PRKN: variants seen among roughly 807,000 people sequenced by gnomAD.
PRKN encodes the protein E3 ubiquitin-protein ligase parkin.
A neutral mutation model predicts 59.5 loss-of-function variants in PRKN; 56 were observed. The observed-to-expected ratio is 0.94, with a 90% CI of 0.76 to 1.18. The LOEUF is 1.18. Ranked by LOEUF, PRKN falls within the 50% of genes most tolerant of loss-of-function variation. The pLI is 0.00. For synonymous variants in PRKN, 250 were observed against 222.1 expected, an observed-to-expected ratio of 1.13 and a Z score of -1.12; for missense variants, 657 against 596.4, an observed-to-expected ratio of 1.10 and a Z score of -1.06.
chr6:162,510,918 G>A (rs1434858576), intron 1 of PRKN, among the ~76,000 whole-genome samples: 2 of 151,472 alleles, frequency 1.3e-5, no homozygotes, highest in African/African-American at 4.9e-5. Context: ...GCGAGACTCA[G>A]TCTCAAAAAC....
At position 161,372,779 on chromosome 6, in the gene PRKN, G is replaced by A. The variant is rs531765369; in HGVS notation, c.1168-12574C>T. On this transcript the variant is annotated intron_variant, in intron 10 of 11. Coordinates refer to ENST00000366898, the MANE Select transcript of PRKN (RefSeq NM_004562.3). The surrounding 1 kb of genome is among the most constrained non-coding windows in gnomAD (Gnocchi z 4.2). ...GCAGAGCTTCGGAGAACTACTGCTC[G>A]CAGAAGGTCTACATACACTGTGGTC... Among the ~76,000 whole-genome samples the A allele has an allele frequency of 1.5e-4, 23 of 151,788 alleles. No individual in the cohort carries two copies. In the South Asian group the frequency reaches 3.3e-3, roughly 22 times the overall value.
At position 161,361,278 on chromosome 6, in the gene PRKN, T is replaced by C. The variant is rs1454782081; in HGVS notation, c.1168-1073A>G. On this transcript the variant is annotated intron_variant, in intron 10 of 11. Transcript: ENST00000366898. The surrounding 1 kb of genome is among the most constrained non-coding windows in gnomAD (Gnocchi z 5.2). ...GATGAAGTATTATGAGGAAAATAACTGTACTGCATTTAATAGTTTCTTTAG... is the reference window on the plus strand; with the variant it reads ...GATGAAGTATTATGAGGAAAATAACCGTACTGCATTTAATAGTTTCTTTAG... 6.6e-6 allele frequency among the ~76,000 whole-genome samples: 1 copy of C among 152,254 alleles called. No homozygotes were observed. The highest frequency in any genetic ancestry group is 1.5e-5 in the Non-Finnish European group (1 of 68,048).
rs557221623 is a variant in PRKN at position 161,885,475 on chromosome 6, T to C, written c.734+87827A>G. 6.3e-4 allele frequency among the ~76,000 whole-genome samples: 96 copies of C among 152,076 alleles called. 2 individuals carry two copies. The highest frequency in any genetic ancestry group is 4.4e-3 in the South Asian group (21 of 4,808). On this transcript the variant is annotated intron_variant, in intron 6 of 11. Transcript: ENST00000366898. ...GTCAGGAGATAGAGACCATCCTGGC[T>C]AACACAGTGAAACCCCGTCTCTACT...
chr6:161,917,728 A>T (rs1412701545), intron 6 of PRKN, among the ~76,000 whole-genome samples: 1 of 152,242 alleles, frequency 6.6e-6, no homozygotes, highest in Non-Finnish European at 1.5e-5. Flanking sequence ...CAATATTCAG[A>T]GTCCAAATAC....
rs530233117 is a variant in PRKN, at chr6:162,111,641, T to G, written c.535-57467A>C. ...GCAAGTGGGTCAAAAGATAAAGAAA[T>G]GGTGCATAGAGTAAATCACTGCGGT... On this transcript the variant is annotated intron_variant, in intron 4 of 11. Transcript: ENST00000366898. Among the ~76,000 whole-genome samples, 63 of 151,650 alleles carry G rather than the reference T, an allele frequency of 4.2e-4. 3 individuals carry two copies. The highest frequency in any genetic ancestry group is 1.5e-3 in the African/African-American group (62 of 41,316).
chr6:162,075,696 C>G (rs1026012156), intron 4 of PRKN, among the ~76,000 whole-genome samples: 2 of 151,904 alleles, frequency 1.3e-5, no homozygotes, highest in Admixed American at 1.3e-4. Flanking sequence ...AAGTAAGAAG[C>G]TGGCTAGATA....
At chr6:162,237,311 A>C (rs930591066) in intron 3 of PRKN, among the ~76,000 whole-genome samples, 10 of 152,218 alleles carry the variant, frequency 6.6e-5, no homozygotes, top group Admixed American at 4.6e-4. Flanking sequence ...GACCTAGTAC[A>C]TAAAAAGAGT....
chr6:161,747,274 T>C (rs1788472669), intron 7 of PRKN, among the ~76,000 whole-genome samples: 1 of 152,194 alleles, frequency 6.6e-6, no homozygotes, highest in Admixed American at 6.5e-5. Context: ...TCTTTGGAGA[T>C]TTCTGTGACA....
chr6:162,510,318 T>G (rs1357369818), intron 1 of PRKN, among the ~76,000 whole-genome samples: 1 of 152,238 alleles, frequency 6.6e-6, no homozygotes, highest in Admixed American at 6.5e-5. Flanking sequence ...TTCTGAGGAA[T>G]GAATTCATGC....
chr6:161,910,903 A>C (rs1020642607), intron 6 of PRKN, among the ~76,000 whole-genome samples: 1 of 152,222 alleles, frequency 6.6e-6, no homozygotes, highest in African/African-American at 2.4e-5. Flanking sequence ...TTAGCAATAA[A>C]GTATTTTTAA....
chr6:161,707,347 G>T (rs76948939), intron 7 of PRKN, among the ~76,000 whole-genome samples: 1 of 152,170 alleles, frequency 6.6e-6, no homozygotes, highest in African/African-American at 2.4e-5. Flanking sequence ...ATAATTGTGC[G>T]TTGAGGAAAC....
At chr6:162,063,179 C>T (rs1044471347) in intron 4 of PRKN, among the ~76,000 whole-genome samples, 6 of 152,090 alleles carry the variant, frequency 3.9e-5, no homozygotes, top group Non-Finnish European at 5.9e-5. Context: ...ATGCAAGCCA[C>T]AGACTTGGGA....
At chr6:161,614,316 T>G (rs1782609634) in intron 7 of PRKN, among the ~76,000 whole-genome samples, 1 of 152,180 alleles carries the variant, frequency 6.6e-6, no homozygotes, top group South Asian at 2.1e-4. Context: ...AATAAATATT[T>G]TTAGTGATGG....
Position 161,533,979 on chromosome 6 carries a change from AC to A in PRKN, c.1083+14874del, listed in dbSNP as rs1426624584. On this transcript the variant is annotated intron_variant, in intron 9 of 11. Transcript: ENST00000366898. The surrounding 1 kb of genome is among the most constrained non-coding windows in gnomAD (Gnocchi z 4.1). ...ACAGTGGTCTCTGTGACTTCAGTGA[AC>A]CCCCTTTCCACCTGTCCTCCTCGCC... Among the ~76,000 whole-genome samples, 2 of 151,818 alleles carry A rather than the reference AC, an allele frequency of 1.3e-5. No homozygotes were observed. Among genetic ancestry groups the A allele is most frequent in the Non-Finnish European group, 2.9e-5 (2 of 67,970 alleles).
At chr6:162,142,881 C>A (rs1781848427) in intron 4 of PRKN, among the ~76,000 whole-genome samples, 1 of 152,142 alleles carries the variant, frequency 6.6e-6, no homozygotes, top group Non-Finnish European at 1.5e-5. Flanking sequence ...TACTACTAGT[C>A]TGAGGAAAGC....
rs541619495 is a variant in PRKN at position 161,356,387 on chromosome 6, G to A, written c.1285+3701C>T. Among the ~76,000 whole-genome samples, 2 of 152,230 alleles carry A rather than the reference G, an allele frequency of 1.3e-5. No individual in the cohort carries two copies. Among genetic ancestry groups the A allele is most frequent in the Non-Finnish European group, 2.9e-5 (2 of 68,038 alleles). On this transcript the variant is annotated intron_variant, in intron 11 of 11. Coordinates refer to ENST00000366898, the MANE Select transcript of PRKN (RefSeq NM_004562.3). This position sits in a 1 kb window ranked among gnomAD's most constrained non-coding sequence, Gnocchi z 7.8. ...CGACACAGAAGCGTCCTGGGGAGAG[G>A]AGCGGGACTGTGTGGTTGCAATGTC... is the stretch of plus-strand genomic sequence containing the variant.
chr6:161,584,892 CT>C lies in PRKN; in HGVS notation c.872-15477del. Among the ~76,000 whole-genome samples, 1 of 152,336 alleles carries C rather than the reference CT, an allele frequency of 6.6e-6. No individual in the cohort carries two copies. Among genetic ancestry groups the C allele is most frequent in the Middle Eastern group, 3.4e-3 (1 of 294 alleles). The stretch of plus-strand genomic sequence containing the variant: ...AACAAATTAAACAGCACAAGCCTGG[CT>C]GCCGGGATGGCTGTATTAGCAATGC... On this transcript the variant is annotated intron_variant, in intron 7 of 11. Coordinates refer to ENST00000366898, the MANE Select transcript of PRKN (RefSeq NM_004562.3). This position sits in a 1 kb window ranked among gnomAD's most constrained non-coding sequence, Gnocchi z 4.8.
intron 9 of PRKN, among the ~76,000 whole-genome samples, chr6:161,464,650 T>C (rs1178190744): frequency 6.6e-6 from 1 of 152,222 alleles, no homozygotes; most frequent in Non-Finnish European, 1.5e-5. Context: ...AGTCTTGGTA[T>C]TGGTAATTTC....
At chr6:162,198,753 C>T (rs939071519) in intron 4 of PRKN, among the ~76,000 whole-genome samples, 1 of 151,476 alleles carries the variant, frequency 6.6e-6, no homozygotes, top group African/African-American at 2.4e-5. Flanking sequence ...AGGCTGTGAG[C>T]ATTTCTTAGG....
Sources: allele counts gnomAD v4.1 joint callset (sites outside exome capture counted in the v4.1 genomes callset), GRCh38; gene constraint gnomAD v4.1.1; non-coding constraint Gnocchi (gnomAD v3.1); transcripts MANE v1.5; gene names NCBI Gene and HGNC (gene_info 2026-07-23, HGNC 2026-07-21).